XKR6: variants seen among roughly 807,000 people sequenced by gnomAD.
XKR6 encodes the protein XK-related protein 6.
In XKR6, 22 loss-of-function variants were observed where a neutral mutation model predicts 56.7. The observed-to-expected ratio is 0.39, with a 90% CI of 0.28 to 0.55. The LOEUF is 0.55. XKR6 is among the 20% of genes least tolerant of loss of function. The pLI, the probability that XKR6 is intolerant of heterozygous loss-of-function variation, is 0.66. For missense variants in XKR6, 852 were observed against 889.0 expected, an observed-to-expected ratio of 0.96 and a Z score of 0.53; for synonymous variants, 524 against 387.8, an observed-to-expected ratio of 1.35 and a Z score of -4.13.
chr8:11,136,568 T>G (rs1399754356), intron 1 of XKR6, among the ~76,000 whole-genome samples: 2 of 150,868 alleles, frequency 1.3e-5, no homozygotes. Flanking sequence ...TACTTACAGG[T>G]AGGGCCTTTA....
chr8:11,105,273 T>C (rs1385144118), intron 1 of XKR6: 1 of 152,232 alleles, frequency 6.6e-6, no homozygotes, highest in Non-Finnish European at 1.5e-5. Flanking sequence ...ACTTTTTTAT[T>C]TTACCAAACA....
At chr8:11,054,163 A>G (rs2129161081) in intron 1 of XKR6, among the ~76,000 whole-genome samples, 1 of 152,302 alleles carries the variant, frequency 6.6e-6, no homozygotes, top group East Asian at 1.9e-4. Context: ...GGTTAAATGA[A>G]GTCAGAGGTT....
At chr8:10,998,787 A>T (rs1211731600) in intron 1 of XKR6, among the ~76,000 whole-genome samples, 2 of 152,120 alleles carry the variant, frequency 1.3e-5, no homozygotes, top group Admixed American at 6.5e-5. Context: ...TTGGTGGTGG[A>T]CTCACTAGCT....
chr8:10,962,014 A>G (rs1802074775), intron 1 of XKR6, among the ~76,000 whole-genome samples: 1 of 152,212 alleles, frequency 6.6e-6, no homozygotes, highest in South Asian at 2.1e-4. Context: ...GGGGAAGGGC[A>G]TGAAAGCACC....
At chr8:11,064,984 T>C (rs1275689601) in intron 1 of XKR6, among the ~76,000 whole-genome samples, 3 of 152,250 alleles carry the variant, frequency 2.0e-5, no homozygotes, top group Non-Finnish European at 4.4e-5. Context: ...TAGAAAGTCT[T>C]TGAACTACTT....
intron 1 of XKR6, among the ~76,000 whole-genome samples, chr8:11,092,179 G>T (rs1378694700): frequency 1.3e-5 from 2 of 152,120 alleles, no homozygotes; most frequent in African/African-American, 2.4e-5. Context: ...AAACTTTCAG[G>T]TTTGCGATAA....
At chr8:11,131,547 G>T (rs13265553) in intron 1 of XKR6, among the ~76,000 whole-genome samples, 1 of 151,916 alleles carries the variant, frequency 6.6e-6, no homozygotes, top group Non-Finnish European at 1.5e-5. Context: ...TTCAAAAAGT[G>T]AACAAAGGTA....
chr8:10,995,314 G>A (rs1036321807), intron 1 of XKR6, among the ~76,000 whole-genome samples: 1 of 150,764 alleles, frequency 6.6e-6, no homozygotes, highest in Non-Finnish European at 1.5e-5. Context: ...CAGGAGTTCA[G>A]GACCAGCCTG....
At chr8:11,169,516 G>C (rs141800607) in intron 1 of XKR6, among the ~76,000 whole-genome samples, 2 of 152,310 alleles carry the variant, frequency 1.3e-5, no homozygotes, top group Admixed American at 1.3e-4. Flanking sequence ...ATTATGCTAA[G>C]TTAAATAAGC....
intron 1 of XKR6, among the ~76,000 whole-genome samples, chr8:11,141,726 C>A (rs769917376): frequency 3.9e-5 from 6 of 152,072 alleles, no homozygotes; most frequent in African/African-American, 1.4e-4. Context: ...CTGATGGGAG[C>A]CTATCTGTCT....
intron 1 of XKR6, among the ~76,000 whole-genome samples, chr8:11,127,521 C>G (rs917880306): frequency 9.2e-5 from 14 of 152,218 alleles, no homozygotes; most frequent in African/African-American, 3.1e-4. Context: ...AGAATCCACT[C>G]CCTGGCCTTT....
intron 1 of XKR6, among the ~76,000 whole-genome samples, chr8:11,117,279 G>C (rs1799228567): frequency 6.6e-6 from 1 of 152,182 alleles, no homozygotes; most frequent in Non-Finnish European, 1.5e-5. Flanking sequence ...CCCAGAACCT[G>C]ACAGATTCTA....
At chr8:11,140,304 G>A (rs1291186724) in intron 1 of XKR6, among the ~76,000 whole-genome samples, 4 of 152,260 alleles carry the variant, frequency 2.6e-5, no homozygotes, top group Non-Finnish European at 5.9e-5. Flanking sequence ...AATGAAAAAC[G>A]ATCTGAAGCT....
chr8:10,910,900 T>C (rs897529859), intron 2 of XKR6, among the ~76,000 whole-genome samples: 1 of 152,200 alleles, frequency 6.6e-6, no homozygotes, highest in South Asian at 2.1e-4. Flanking sequence ...CTGGCTGGCC[T>C]GGAGCAAACT....
intron 1 of XKR6, among the ~76,000 whole-genome samples, chr8:11,157,063 T>A (rs1256888778): frequency 1.3e-5 from 2 of 152,334 alleles, no homozygotes; most frequent in Admixed American, 6.5e-5. Context: ...TCTGGGGTAT[T>A]GTTTCCAAAA....
chr8:11,015,174 C>T (rs955959733), intron 1 of XKR6, among the ~76,000 whole-genome samples: 7 of 148,320 alleles, frequency 4.7e-5, no homozygotes, highest in Non-Finnish European at 7.4e-5. Context: ...CGTGTTCACT[C>T]GGGAAATGCT....
chr8:10,947,190 C>A (rs1309681577), intron 1 of XKR6, among the ~76,000 whole-genome samples: 1 of 152,098 alleles, frequency 6.6e-6, no homozygotes, highest in African/African-American at 2.4e-5. Context: ...AGGGGGAAAT[C>A]ATAGCTCTCA....
At chr8:11,196,497 TGAGTACACCTGAGGTACTTTTA>T (rs1803898805) in intron 1 of XKR6, among the ~76,000 whole-genome samples, 1 of 152,198 alleles carries the variant, frequency 6.6e-6, no homozygotes, top group Non-Finnish European at 1.5e-5. Context: ...TGCATACCCT[TGAGTACACCTGAGGTACTTTTA>T]GACACTCATG....
chr8:11,097,550 G>C (rs112786433), intron 1 of XKR6, among the ~76,000 whole-genome samples: 315 of 151,580 alleles, frequency 2.1e-3, no homozygotes, highest in African/African-American at 7.0e-3. Flanking sequence ...TCTCACACCT[G>C]TAATCCCAGC....
Sources: allele counts gnomAD v4.1 joint callset (sites outside exome capture counted in the v4.1 genomes callset), GRCh38; gene constraint gnomAD v4.1.1; transcripts MANE v1.5; gene names NCBI Gene and HGNC (gene_info 2026-07-23, HGNC 2026-07-21).